Variants in DISC1 observed in about 807,000 individuals in gnomAD.
DISC1 encodes the protein DISC1 scaffold protein, also known as disrupted in schizophrenia 1 protein.
DISC1 carries 57 observed loss-of-function variants against 84.5 expected under a neutral mutation model. That is an observed-to-expected ratio of 0.67 (90% CI 0.55 to 0.84). DISC1 has a LOEUF of 0.84. DISC1 is among the 40% of genes least tolerant of loss of function. The pLI is 0.00. For missense variants in DISC1, 1,000 were observed against 1,057.8 expected, an observed-to-expected ratio of 0.95 and a Z score of 0.76; for synonymous variants, 411 against 415.2, an observed-to-expected ratio of 0.99 and a Z score of 0.12.
chr1:231,946,046 G>T (rs1657130734), intron 9 of DISC1, among the ~76,000 whole-genome samples: 1 of 152,260 alleles, frequency 6.6e-6, no homozygotes, highest in East Asian at 1.9e-4. Context: ...AGAGGAGCTG[G>T]TACCATTCCT....
intron 10 of DISC1, among the ~76,000 whole-genome samples, chr1:231,998,969 G>A (rs1300816477): frequency 6.6e-6 from 1 of 152,054 alleles, no homozygotes; most frequent in Non-Finnish European, 1.5e-5. Context: ...TGTTTGCGAG[G>A]AAGATGTAGA....
intron 10 of DISC1, among the ~76,000 whole-genome samples, chr1:232,006,213 C>A (rs191495737): frequency 6.6e-6 from 1 of 152,204 alleles, no homozygotes; most frequent in African/African-American, 2.4e-5. Flanking sequence ...CATAAAGACC[C>A]AAAAATGTGA....
At chr1:232,021,551 G>A (rs1273123928) in intron 11 of DISC1, among the ~76,000 whole-genome samples, 1 of 152,146 alleles carries the variant, frequency 6.6e-6, no homozygotes, top group East Asian at 1.9e-4. Context: ...AGAGAAGTCT[G>A]GGCATTAGCA....
intron 1 of DISC1, among the ~76,000 whole-genome samples, chr1:231,637,308 G>A (rs1462673742): frequency 6.6e-6 from 1 of 152,150 alleles, no homozygotes; most frequent in Non-Finnish European, 1.5e-5. Flanking sequence ...ACAAGCCTTT[G>A]GGTATACACC....
chr1:231,802,006 G>C (rs1311765279), intron 8 of DISC1, among the ~76,000 whole-genome samples: 1 of 151,956 alleles, frequency 6.6e-6, no homozygotes, highest in African/African-American at 2.4e-5. Flanking sequence ...TTTTAGTAGA[G>C]ACGGGGTTTC....
chr1:231,707,998 A>C (rs1351171182), intron 3 of DISC1, among the ~76,000 whole-genome samples: 2 of 152,200 alleles, frequency 1.3e-5, no homozygotes, highest in Non-Finnish European at 2.9e-5. Context: ...TAGTTGCATC[A>C]TGGTAGGTGG....
chr1:231,651,389 C>T (rs890667834), intron 1 of DISC1, among the ~76,000 whole-genome samples: 1 of 152,182 alleles, frequency 6.6e-6, no homozygotes, highest in Non-Finnish European at 1.5e-5. Context: ...TGGGTATCAC[C>T]AGTGGAGGCT....
intron 1 of DISC1, among the ~76,000 whole-genome samples, chr1:231,642,985 A>C (rs181726977): frequency 2.6e-5 from 4 of 152,342 alleles, no homozygotes; most frequent in African/African-American, 9.6e-5. Flanking sequence ...GCAGAAGATG[A>C]GGACTTGGTC....
chr1:231,626,888 G>T lies in DISC1; in HGVS notation c.21G>T (p.Gln7His). 1 of 1,497,908 alleles carries T rather than the reference G, an allele frequency of 6.7e-7. No homozygotes were observed. Among genetic ancestry groups the T allele is most frequent in the Non-Finnish European group, 8.8e-7 (1 of 1,132,432 alleles). The allele number at this position is 1,497,908 out of a possible 1,614,324, so 92.8% of individuals were successfully genotyped here. A position where few individuals can be genotyped will look rare whatever the true frequency, so the allele number is the denominator to read the frequency against. Residue 7 changes from glutamine (Q) to histidine (H), a missense_variant, in exon 1 of 13, where the codon CAG becomes CAT. Physicochemically the swap from Gln to His is conservative, Grantham distance 24 (BLOSUM62 0). Around this residue, in one of 3 missense-constraint regions of DISC1, gnomAD observed 292 missense variants for 280.2 expected, o/e 1.04. Transcript: ENST00000439617. The stretch of plus-strand genomic sequence containing the variant: ...GGCGCATGCCAGGCGGGGGTCCTCA[G>T]GGCGCCCCAGCCGCCGCCGGCGGCG... MPGGGP[Q>H]GAPAAAGGGG...
intron 9 of DISC1, among the ~76,000 whole-genome samples, chr1:231,862,153 G>T (rs534426413): frequency 6.6e-6 from 1 of 152,154 alleles, no homozygotes; most frequent in Non-Finnish European, 1.5e-5. Flanking sequence ...CTTTATCATC[G>T]TTTTATTTCA....
chr1:231,955,012 G>C (rs199574026), intron 9 of DISC1, among the ~76,000 whole-genome samples: 19 of 152,190 alleles, frequency 1.2e-4, no homozygotes, highest in Admixed American at 2.6e-4. Flanking sequence ...TGGTGCTTCA[G>C]ACACTGAGAT....
intron 1 of DISC1, 21 bp downstream of exon 1, chr1:231,626,955 T>A: frequency 6.8e-7 from 1 of 1,476,554 alleles, no homozygotes; most frequent in Non-Finnish European, 8.9e-7. Flanking sequence ...TGCCACAGAG[T>A]CCTAGCACGT....
intron 6 of DISC1, among the ~76,000 whole-genome samples, chr1:231,775,591 GT>G (rs2076902120): frequency 1.3e-5 from 2 of 152,186 alleles, no homozygotes; most frequent in Admixed American, 1.3e-4. Context: ...AACAAAAATG[GT>G]TTTCTTCCAG....
intron 9 of DISC1, among the ~76,000 whole-genome samples, chr1:231,920,616 G>A (rs2089936324): frequency 1.3e-5 from 2 of 152,192 alleles, no homozygotes; most frequent in Admixed American, 1.3e-4. Flanking sequence ...TCTTAAGGCT[G>A]AATAACATTC....
chr1:231,881,353 G>A (rs2086278676), intron 9 of DISC1, among the ~76,000 whole-genome samples: 1 of 152,200 alleles, frequency 6.6e-6, no homozygotes, highest in South Asian at 2.1e-4. Context: ...CAGAGCTCTA[G>A]GGAAGGATCT....
chr1:231,761,779 A>C (rs1357642638), intron 4 of DISC1, among the ~76,000 whole-genome samples: 1 of 152,252 alleles, frequency 6.6e-6, no homozygotes, highest in East Asian at 1.9e-4. Context: ...GCAATAGAAA[A>C]GTGAATATAA....
intron 1 of DISC1, among the ~76,000 whole-genome samples, chr1:231,661,668 T>C (rs1416216974): frequency 6.6e-6 from 1 of 152,322 alleles, no homozygotes; most frequent in South Asian, 2.1e-4. Flanking sequence ...GATTCTTAGC[T>C]TCTTTGCATT....
intron 9 of DISC1, among the ~76,000 whole-genome samples, chr1:231,945,931 T>TA (rs1657098360): frequency 6.6e-6 from 1 of 152,172 alleles, no homozygotes; most frequent in African/African-American, 2.4e-5. Flanking sequence ...AATCCCTGAA[T>TA]AAACTAATAA....
intron 9 of DISC1, among the ~76,000 whole-genome samples, chr1:231,925,096 T>C (rs1242643643): frequency 2.0e-5 from 3 of 152,076 alleles, no homozygotes; most frequent in Admixed American, 1.3e-4. Flanking sequence ...TTTATGGTGC[T>C]ACTGAGGGAC....
Sources: allele counts gnomAD v4.1 joint callset (sites outside exome capture counted in the v4.1 genomes callset), GRCh38; gene constraint gnomAD v4.1.1; regional missense constraint gnomAD v4.1.1; transcripts MANE v1.5; gene names NCBI Gene and HGNC (gene_info 2026-07-23, HGNC 2026-07-21).